Variants in NF1 observed in about 807,000 individuals in gnomAD.
The protein encoded by NF1 is neurofibromin 1.
A neutral mutation model predicts 325.7 loss-of-function variants in NF1; 122 were observed. The observed-to-expected ratio is 0.37, with a 90% CI of 0.32 to 0.44. NF1 has a LOEUF of 0.44. Ranked by LOEUF, NF1 falls within the 20% of genes least tolerant of loss-of-function variation. The pLI is 1.00. For missense variants in NF1, 2,140 were observed against 3,415.4 expected, an observed-to-expected ratio of 0.63 and a Z score of 9.31; for synonymous variants, 1,091 against 1,186.0, an observed-to-expected ratio of 0.92 and a Z score of 1.65.
Position 31,349,876 on chromosome 17 carries a change from A to G in NF1, c.7322-307A>G, listed in dbSNP as rs988455571. On this transcript the variant is annotated intron_variant, in intron 49 of 57. Transcript: ENST00000358273. ...AGTTTCACAGACTTGTATTTGTTCA[A>G]CTTTTTTGTTTGAACCGTATCATCT... Among the ~76,000 whole-genome samples, 5 of 152,296 alleles carry G rather than the reference A, an allele frequency of 3.3e-5. No homozygotes were observed. In the East Asian group the frequency reaches 5.8e-4, roughly 18 times the overall value.
At chr17:31,293,861 C>T (rs2151497284) in intron 36 of NF1, among the ~76,000 whole-genome samples, 1 of 152,284 alleles carries the variant, frequency 6.6e-6, no homozygotes, top group East Asian at 1.9e-4. Flanking sequence ...ATGTTTGTCA[C>T]TAATTCATAA....
intron 36 of NF1, among the ~76,000 whole-genome samples, chr17:31,283,333 C>T (rs548138805): frequency 6.6e-4 from 100 of 151,836 alleles, no homozygotes; most frequent in Non-Finnish European, 6.8e-4. Flanking sequence ...AGGAGAATGG[C>T]GTGAACCTGG....
At chr17:31,239,135 T>G (rs2067251679) in intron 29 of NF1, among the ~76,000 whole-genome samples, 1 of 152,218 alleles carries the variant, frequency 6.6e-6, no homozygotes, top group Admixed American at 6.5e-5. Flanking sequence ...ACTTTGAAAT[T>G]GTCAAACTGA....
intron 36 of NF1, among the ~76,000 whole-genome samples, chr17:31,319,584 G>A (rs1325748547): frequency 6.6e-6 from 1 of 151,288 alleles, no homozygotes; most frequent in Non-Finnish European, 1.5e-5. Flanking sequence ...TTTTTCTTGG[G>A]TGTTCATCTT....
At chr17:31,352,776 A>G (rs2070182448) in intron 51 of NF1, among the ~76,000 whole-genome samples, 1 of 152,212 alleles carries the variant, frequency 6.6e-6, no homozygotes, top group Non-Finnish European at 1.5e-5. Flanking sequence ...ATACTGTAAT[A>G]CTTCCCAAAA....
Position 31,258,483 on chromosome 17 carries a change from G to T in NF1, c.4313G>T (p.Gly1438Val), listed in dbSNP as rs748901190. 4 of 1,613,794 alleles carry T rather than the reference G, an allele frequency of 2.5e-6. No homozygotes were observed. The highest frequency in any genetic ancestry group is 3.4e-6 in the Non-Finnish European group (4 of 1,179,872). The change falls in exon 32 of 58, where the codon GGC (glycine) becomes GTC (valine). Residue 1438 changes from glycine (G) to valine (V), a missense_variant. Coordinates refer to ENST00000358273, the MANE Select transcript of NF1 (RefSeq NM_001042492.3). ...DKKPPPRIER[G>V]LKLMSKILQS... ...AAGCCACCACCTAGAATCGAAAGGG[G>T]CTTGAAGTTAATGTCAAAGGTGAAT...
At chr17:31,251,823 AG>A (rs2067498690) in intron 30 of NF1, 1 of 211,604 alleles carries the variant, frequency 4.7e-6, no homozygotes, top group Non-Finnish European at 9.6e-6. Flanking sequence ...TTTGACCTGT[AG>A]GTACACAGTA....
At chr17:31,248,531 CTTTTT>C (rs1221689759) in intron 29 of NF1, among the ~76,000 whole-genome samples, 1 of 151,190 alleles carries the variant, frequency 6.6e-6, no homozygotes, top group Non-Finnish European at 1.5e-5. Flanking sequence ...TCAAAGTTGT[CTTTTT>C]TTTTATTTTT....
At chr17:31,318,427 C>A in intron 36 of NF1, 1 of 1,613,900 alleles carries the variant, frequency 6.2e-7, no homozygotes, top group Non-Finnish European at 8.5e-7. Flanking sequence ...TGTTCTTTTC[C>A]AAGTGTCTGA....
At chr17:31,145,001 T>C (rs1916489865) in intron 1 of NF1, among the ~76,000 whole-genome samples, 1 of 152,208 alleles carries the variant, frequency 6.6e-6, no homozygotes, top group Admixed American at 6.5e-5. Context: ...TATAAGGCTT[T>C]TCATGATCTG....
At position 31,376,545 on chromosome 17, in the gene NF1, T is replaced by C. The variant is rs1255744571; in HGVS notation, c.*2390T>C. On this transcript the variant is annotated 3_prime_UTR_variant, in exon 58 of 58. Coordinates refer to ENST00000358273, the MANE Select transcript of NF1 (RefSeq NM_001042492.3). The stretch of plus-strand genomic sequence containing the variant: ...CTGACTTTTGAGGAAAATCTAGCTT[T>C]CCAAGTAACTAAAATGTACATGAGA... The C allele has an allele frequency of 4.3e-6, 1 of 232,876 alleles. No homozygotes were observed. The highest frequency in any genetic ancestry group is 5.6e-5 in the Admixed American group (1 of 17,790). The allele number at this position is 232,876 out of a possible 1,614,324, so 14.4% of individuals were successfully genotyped here. A position where few individuals can be genotyped will look rare whatever the true frequency, so the allele number is the denominator to read the frequency against.
chr17:31,296,975 A>G (rs2068480304), intron 36 of NF1: 1 of 152,756 alleles, frequency 6.5e-6, no homozygotes, highest in African/African-American at 2.4e-5. Flanking sequence ...AAGGAAAACA[A>G]TATGTATATT....
chr17:31,277,880 A>C (rs2068037918), intron 36 of NF1, among the ~76,000 whole-genome samples: 1 of 152,172 alleles, frequency 6.6e-6, no homozygotes, highest in African/African-American at 2.4e-5. Flanking sequence ...CTTCTCCTTT[A>C]TACATAATCT....
intron 56 of NF1, chr17:31,359,233 CT>C (rs1311932486): frequency 1.9e-6 from 1 of 534,692 alleles, no homozygotes; most frequent in African/African-American, 1.9e-5. Context: ...ACAAAGTCAA[CT>C]TATGATCAAT....
chr17:31,230,508 T>G (rs2067095540), intron 23 of NF1, 126 bp downstream of exon 23: 1 of 1,188,064 alleles, frequency 8.4e-7, no homozygotes, highest in African/African-American at 1.5e-5. Context: ...TTTACATGTT[T>G]GTTTTTCTCT....
At chr17:31,168,591 CCT>C (rs759099556) in intron 4 of NF1, among the ~76,000 whole-genome samples, 2 of 152,028 alleles carry the variant, frequency 1.3e-5, no homozygotes, top group African/African-American at 2.4e-5. Context: ...GCGTTATTTG[CCT>C]TTCTACATTC....
intron 1 of NF1, among the ~76,000 whole-genome samples, chr17:31,115,208 A>T (rs191306327): frequency 1.7e-3 from 260 of 152,260 alleles, no homozygotes; most frequent in Admixed American, 2.9e-3. Context: ...TGCTACTGGC[A>T]TCTAGTGGGT....
Position 31,150,407 on chromosome 17 carries a change from G to C in NF1, c.61-5576G>C, listed in dbSNP as rs544447592. ...CACCACCAGTACAATTTGTGTTTTT[G>C]TTCTGGTGGTTACCATTATATTAAT... is the stretch of plus-strand genomic sequence containing the variant. On this transcript the variant is annotated intron_variant, in intron 1 of 57. Transcript: ENST00000358273. 3.3e-5 allele frequency among the ~76,000 whole-genome samples: 5 copies of C among 152,168 alleles called. No individual in the cohort carries two copies. In the South Asian group the frequency reaches 1.0e-3, roughly 32 times the overall value.
chr17:31,318,128 C>A, intron 36 of NF1: 1 of 705,112 alleles, frequency 1.4e-6, no homozygotes, highest in East Asian at 2.9e-5. Context: ...AACAAAAGTA[C>A]ACAGTTTAAA....
Sources: gnomAD v4.1 joint callset for allele counts (sites outside exome capture counted in the v4.1 genomes callset) on GRCh38, gnomAD v4.1.1 for gene constraint, MANE v1.5 for transcripts, NCBI Gene and HGNC (gene_info 2026-07-23, HGNC 2026-07-21) for gene names.